The following PALLD variants were observed in gnomAD, a reference collection of about 807,000 sequenced individuals.
PALLD encodes the protein palladin.
PALLD carries 61 observed loss-of-function variants against 123.5 expected under a neutral mutation model. That is an observed-to-expected ratio of 0.49 (90% confidence interval 0.40 to 0.61). The LOEUF (loss-of-function observed/expected upper bound fraction) is 0.61. PALLD is among the 20% of genes least tolerant of loss of function. The probability of loss-of-function intolerance (pLI) is 0.00; values close to 1 mark genes in which losing one functional copy is unlikely to be tolerated. For synonymous variants in PALLD, 465 were observed against 496.4 expected, an observed-to-expected ratio of 0.94 and a Z score of 0.84; for missense variants, 1,273 against 1,377.0, an observed-to-expected ratio of 0.92 and a Z score of 1.20.
chr4:168,915,764 A>T (rs1759959671), intron 16 of PALLD, 131 bp from the exon 17 acceptor site: 1 of 694,856 alleles, frequency 1.4e-6, no homozygotes, highest in Non-Finnish European at 2.4e-6. Flanking sequence ...TTAATGTGTA[A>T]ATCTTAGCTG....
intron 2 of PALLD, among the ~76,000 whole-genome samples, chr4:168,532,785 T>A (rs1405569275): frequency 6.6e-6 from 1 of 152,034 alleles, no homozygotes; most frequent in African/African-American, 2.4e-5. Context: ...TAGAATTCCA[T>A]AAGAAGAAAT....
intron 10 of PALLD, among the ~76,000 whole-genome samples, chr4:168,769,605 G>A (rs548291332): frequency 8.5e-5 from 13 of 152,290 alleles, no homozygotes; most frequent in African/African-American, 2.6e-4. Flanking sequence ...GCTCCAGACT[G>A]TCTGAGGAGC....
At chr4:168,690,043 T>C (rs1462810056) in intron 6 of PALLD, among the ~76,000 whole-genome samples, 1 of 152,206 alleles carries the variant, frequency 6.6e-6, no homozygotes, top group Non-Finnish European at 1.5e-5. Flanking sequence ...AAGTACAGCA[T>C]GTTTCATTAC....
chr4:168,840,027 T>C (rs1296474720), intron 10 of PALLD, among the ~76,000 whole-genome samples: 1 of 152,156 alleles, frequency 6.6e-6, no homozygotes, highest in Non-Finnish European at 1.5e-5. Flanking sequence ...TTAGAAAAAC[T>C]TGTGGTTTTT....
chr4:168,557,669 T>C (rs1008867945), intron 2 of PALLD, among the ~76,000 whole-genome samples: 4 of 152,192 alleles, frequency 2.6e-5, no homozygotes, highest in African/African-American at 9.7e-5. Flanking sequence ...CACTATCCAC[T>C]GTTACGTAAG....
rs12650826 is a variant in PALLD at position 168,682,266 on chromosome 4, C to A, written c.1155-732C>A. Among the ~76,000 whole-genome samples, 23 of 152,224 alleles carry A rather than the reference C, an allele frequency of 1.5e-4. No individual in the cohort carries two copies. In the East Asian group the frequency reaches 3.9e-3, roughly 26 times the overall value. On this transcript the variant is annotated intron_variant, in intron 4 of 21. Transcript: ENST00000505667. ...ATATTGAGTCTGTTCTAATAAATTT[C>A]TTTTATCTGCTAGTATGTACATAAA... is the stretch of plus-strand genomic sequence containing the variant.
chr4:168,856,311 A>G (rs1056608862), intron 10 of PALLD, among the ~76,000 whole-genome samples: 4 of 152,196 alleles, frequency 2.6e-5, no homozygotes, highest in Admixed American at 1.3e-4. Flanking sequence ...GCAAGTGTAC[A>G]TGTACCATGT....
intron 10 of PALLD, among the ~76,000 whole-genome samples, chr4:168,772,880 A>AGAAAGAGG (rs1224078981): frequency 6.6e-6 from 1 of 152,224 alleles, no homozygotes; most frequent in Admixed American, 6.5e-5. Context: ...GAATGAAAAG[A>AGAAAGAGG]GAAAGAGGGA....
intron 8 of PALLD, among the ~76,000 whole-genome samples, chr4:168,697,895 A>G (rs910755573): frequency 2.6e-5 from 4 of 152,238 alleles, no homozygotes; most frequent in Non-Finnish European, 5.9e-5. Flanking sequence ...GGAAGTCAGT[A>G]TATCAAATAG....
At chr4:168,799,252 C>T (rs544038214) in intron 10 of PALLD, among the ~76,000 whole-genome samples, 1 of 152,228 alleles carries the variant, frequency 6.6e-6, no homozygotes, top group African/African-American at 2.4e-5. Context: ...TCTTGTTTAC[C>T]TATTAAGTTA....
intron 12 of PALLD, among the ~76,000 whole-genome samples, chr4:168,895,889 TA>T (rs1188513155): frequency 1.3e-5 from 2 of 152,194 alleles, no homozygotes; most frequent in African/African-American, 4.8e-5. Context: ...ATAAACTCAT[TA>T]TAAGTTGAAA....
At chr4:168,921,224 A>G (rs1761422297) in intron 17 of PALLD, among the ~76,000 whole-genome samples, 2 of 151,852 alleles carry the variant, frequency 1.3e-5, no homozygotes, top group African/African-American at 4.8e-5. Flanking sequence ...CGGCCAACAT[A>G]GTGAAACCCT....
At chr4:168,695,653 C>T (rs535049876) in intron 8 of PALLD, among the ~76,000 whole-genome samples, 1 of 152,286 alleles carries the variant, frequency 6.6e-6, no homozygotes, top group East Asian at 1.9e-4. Flanking sequence ...GAGGCTGGCT[C>T]ATCCAATCTG....
intron 5 of PALLD, among the ~76,000 whole-genome samples, chr4:168,684,919 T>C (rs1049675288): frequency 1.2e-4 from 18 of 152,238 alleles, no homozygotes; most frequent in African/African-American, 4.1e-4. Flanking sequence ...TTCCATTCAC[T>C]ACTCTGAAAT....
chr4:168,732,250 T>TTTC (rs1402082339), intron 10 of PALLD, among the ~76,000 whole-genome samples: 1 of 152,362 alleles, frequency 6.6e-6, no homozygotes, highest in East Asian at 1.9e-4. Flanking sequence ...TTGTGGCATA[T>TTTC]TTCTTGTCAG....
rs1046958388 is a variant in PALLD, at chr4:168,802,852, G to A, written c.1965-88070G>A. ...ATTACAGGCATGTGCCACCATACCC[G>A]GCTAATTTTATAGTAGAGTAGTAGA... On this transcript the variant is annotated intron_variant, in intron 10 of 21. Coordinates refer to ENST00000505667, the MANE Select transcript of PALLD (RefSeq NM_001166108.2). Among the ~76,000 whole-genome samples, 16 of 152,194 alleles carry A rather than the reference G, an allele frequency of 1.1e-4. No homozygotes were observed. The South Asian group carries it at 1.7e-3, about 16-fold the overall frequency.
intron 2 of PALLD, among the ~76,000 whole-genome samples, chr4:168,664,405 T>A (rs1424499372): frequency 1.3e-5 from 2 of 152,210 alleles, no homozygotes; most frequent in Non-Finnish European, 1.5e-5. Context: ...TATTTAGTCA[T>A]CTGAAATGGC....
intron 2 of PALLD, among the ~76,000 whole-genome samples, chr4:168,520,793 T>G (rs1457995795): frequency 6.6e-6 from 1 of 152,196 alleles, no homozygotes; most frequent in Non-Finnish European, 1.5e-5. Context: ...TCCAGCTGTA[T>G]AAATGCATAA....
chr4:168,552,025 T>C (rs1268111018), intron 2 of PALLD, among the ~76,000 whole-genome samples: 1 of 152,180 alleles, frequency 6.6e-6, no homozygotes, highest in Non-Finnish European at 1.5e-5. Flanking sequence ...ACCTTTGAGA[T>C]GTATACATTA....
Sources: allele counts gnomAD v4.1 joint callset (sites outside exome capture counted in the v4.1 genomes callset), GRCh38; gene constraint gnomAD v4.1.1; transcripts MANE v1.5; gene names NCBI Gene and HGNC (gene_info 2026-07-23, HGNC 2026-07-21).